The following LUZP2 variants were observed in gnomAD, a reference collection of about 807,000 sequenced individuals.
LUZP2 encodes the protein leucine zipper protein 2.
Under a neutral mutation model 51.6 loss-of-function variants are expected in LUZP2, and 52 were observed. The ratio of observed to expected loss-of-function variants is 1.01; its 90% CI spans 0.81 to 1.27. The LOEUF (loss-of-function observed/expected upper bound fraction) is 1.27. LUZP2 is among the 50% of genes most tolerant of loss of function. The pLI is 0.00. For synonymous variants in LUZP2, 154 were observed against 137.3 expected (o/e 1.12, Z -0.85); for missense variants, 436 against 395.4 (o/e 1.10, Z -0.87).
chr11:24,906,071 T>G lies in LUZP2; in HGVS notation c.459+18T>G, dbSNP rs754276452. On this transcript the variant is annotated intron_variant, in intron 6 of 11. Coordinates refer to ENST00000336930, the MANE Select transcript of LUZP2 (RefSeq NM_001009909.4). ...CAGAAGAGGTGAGTAAATTTTTGCTTCTTCTAGCTTTAACCAGATAAAAAC... is the reference window on the plus strand; with the variant it reads ...CAGAAGAGGTGAGTAAATTTTTGCTGCTTCTAGCTTTAACCAGATAAAAAC... 1.5e-5 allele frequency: 24 copies of G among 1,595,008 alleles called. No homozygotes were observed. The highest frequency in any genetic ancestry group is 4.4e-5 in the South Asian group (4 of 90,280).
chr11:24,794,891 T>C (rs960056555), intron 5 of LUZP2, among the ~76,000 whole-genome samples: 1 of 152,166 alleles, frequency 6.6e-6, no homozygotes, highest in African/African-American at 2.4e-5. Flanking sequence ...TAGTTAATTT[T>C]AAGAATTATA....
At chr11:24,666,583 C>T (rs150786429) in intron 1 of LUZP2, among the ~76,000 whole-genome samples, 55 of 152,104 alleles carry the variant, frequency 3.6e-4, no homozygotes, top group Admixed American at 3.3e-3. Flanking sequence ...TATTCTCAGA[C>T]GATTTCATTT....
chr11:24,710,261 A>G (rs995945865), intron 1 of LUZP2, among the ~76,000 whole-genome samples: 2 of 152,232 alleles, frequency 1.3e-5, no homozygotes, highest in African/African-American at 4.8e-5. Context: ...AGAATCTGAG[A>G]TATCATGTAG....
chr11:24,879,776 G>C lies in LUZP2; in HGVS notation c.397-26215G>C, dbSNP rs189884638. On this transcript the variant is annotated intron_variant, in intron 5 of 11. Transcript: ENST00000336930. Reference sequence around the variant, plus strand: ...ACTTTTTGATGGGGCTGGAAAGGGAGCCTCACAATTTTTACTGGTGCCCTA... The same window carrying C: ...ACTTTTTGATGGGGCTGGAAAGGGACCCTCACAATTTTTACTGGTGCCCTA... Among the ~76,000 whole-genome samples the C allele has an allele frequency of 3.6e-4, 55 of 152,216 alleles. 1 individual carries two copies. In the East Asian group the frequency reaches 6.0e-3, roughly 17 times the overall value.
At chr11:24,992,816 T>G (rs992881368) in intron 9 of LUZP2, among the ~76,000 whole-genome samples, 1 of 152,166 alleles carries the variant, frequency 6.6e-6, no homozygotes, top group African/African-American at 2.4e-5. Flanking sequence ...ATTGTATATC[T>G]GTGTTATTAC....
chr11:25,029,310 T>G (rs1857580306), intron 9 of LUZP2, among the ~76,000 whole-genome samples: 1 of 152,160 alleles, frequency 6.6e-6, no homozygotes, highest in Non-Finnish European at 1.5e-5. Flanking sequence ...TCACATTGCA[T>G]GCCTGAATCA....
intron 1 of LUZP2, among the ~76,000 whole-genome samples, chr11:24,664,174 GA>G (rs374416221): frequency 6.6e-6 from 1 of 152,162 alleles, no homozygotes; most frequent in African/African-American, 2.4e-5. Flanking sequence ...TAGAGACTTG[GA>G]GGGCTCAGAA....
chr11:24,821,514 T>A (rs1468022831), intron 5 of LUZP2, among the ~76,000 whole-genome samples: 1 of 152,100 alleles, frequency 6.6e-6, no homozygotes, highest in Non-Finnish European at 1.5e-5. Flanking sequence ...ATTACCTTCT[T>A]ATCACATTAT....
At chr11:24,859,949 G>A (rs1565005689) in intron 5 of LUZP2, among the ~76,000 whole-genome samples, 1 of 144,184 alleles carries the variant, frequency 6.9e-6, no homozygotes, top group Non-Finnish European at 1.5e-5. Context: ...CAGAGGGAGG[G>A]GCGACAAGAA....
At chr11:24,617,542 C>T (rs1013670609) in intron 1 of LUZP2, among the ~76,000 whole-genome samples, 19 of 152,044 alleles carry the variant, frequency 1.2e-4, no homozygotes, top group African/African-American at 3.9e-4. Flanking sequence ...ATAGTTGGGC[C>T]GGGGGCCGTG....
intron 1 of LUZP2, among the ~76,000 whole-genome samples, chr11:24,689,194 T>G (rs943852052): frequency 2.0e-5 from 3 of 152,116 alleles, no homozygotes; most frequent in Non-Finnish European, 4.4e-5. Flanking sequence ...GAATTGGGGA[T>G]TTTTTATACA....
intron 1 of LUZP2, among the ~76,000 whole-genome samples, chr11:24,631,372 T>C (rs1261028281): frequency 1.3e-5 from 2 of 150,820 alleles, no homozygotes; most frequent in African/African-American, 4.9e-5. Context: ...CAATGCCTAG[T>C]AGGTTCAGGT....
At chr11:24,830,988 C>G (rs921779530) in intron 5 of LUZP2, among the ~76,000 whole-genome samples, 1 of 148,842 alleles carries the variant, frequency 6.7e-6, no homozygotes, top group Non-Finnish European at 1.5e-5. Flanking sequence ...AGAGAGACTC[C>G]CTCTCAAAAA....
At chr11:24,838,497 C>T (rs1258081791) in intron 5 of LUZP2, among the ~76,000 whole-genome samples, 1 of 151,528 alleles carries the variant, frequency 6.6e-6, no homozygotes, top group African/African-American at 2.4e-5. Flanking sequence ...CTGCATATAT[C>T]GATTATTAAT....
chr11:24,925,297 C>A (rs1385209959), intron 7 of LUZP2, among the ~76,000 whole-genome samples: 2 of 152,100 alleles, frequency 1.3e-5, no homozygotes. Flanking sequence ...ATCTTCTCAT[C>A]TTGGCCTGAA....
rs546800075 is a variant in LUZP2 at position 24,551,424 on chromosome 11, C to G, written c.62+54119C>G. Among the ~76,000 whole-genome samples the G allele has an allele frequency of 5.3e-5, 8 of 152,000 alleles. No individual in the cohort carries two copies. In the South Asian group the frequency reaches 1.7e-3, roughly 32 times the overall value. ...TATAAAATGATGATTTGTTCAGCAG[C>G]AGGGGCTTGAGTGGGGGAAGGAGAA... On this transcript the variant is annotated intron_variant, in intron 1 of 11. Coordinates refer to ENST00000336930, the MANE Select transcript of LUZP2 (RefSeq NM_001009909.4).
rs533747127 is a variant in LUZP2 at position 24,584,001 on chromosome 11, C to T, written c.62+86696C>T. Among the ~76,000 whole-genome samples, 10 of 152,100 alleles carry T rather than the reference C, an allele frequency of 6.6e-5. No individual in the cohort carries two copies. The South Asian group carries it at 1.7e-3, about 25-fold the overall frequency. On this transcript the variant is annotated intron_variant, in intron 1 of 11. Transcript: ENST00000336930. ...TGCTGAGATTACAGGCGTGAGCCAC[C>T]GCGCCTGACCTACCTTGCTTTTAAA...
At chr11:24,995,274 T>A (rs1856457905) in intron 9 of LUZP2, among the ~76,000 whole-genome samples, 1 of 152,036 alleles carries the variant, frequency 6.6e-6, no homozygotes, top group African/African-American at 2.4e-5. Context: ...ACGCCTGTAG[T>A]CCCAGCTACT....
At position 24,897,398 on chromosome 11, in the gene LUZP2, T is replaced by C. The variant is rs138792520; in HGVS notation, c.397-8593T>C. ...TCTTTCTTTGGGTCTGCGTTGTTTT[T>C]ATGAGCTGTAACACTCATTGCGAAG... On this transcript the variant is annotated intron_variant, in intron 5 of 11. Transcript: ENST00000336930. Among the ~76,000 whole-genome samples, 167 of 152,346 alleles carry C rather than the reference T, an allele frequency of 1.1e-3. 2 individuals are homozygous for C. In the South Asian group the frequency reaches 0.013, roughly 12 times the overall value.
Sources: allele counts gnomAD v4.1 joint callset (sites outside exome capture counted in the v4.1 genomes callset), GRCh38; gene constraint gnomAD v4.1.1; transcripts MANE v1.5; gene names NCBI Gene and HGNC (gene_info 2026-07-23, HGNC 2026-07-21).